Variants in C10orf67 observed in about 807,000 individuals in gnomAD.
C10orf67 encodes the protein uncharacterized protein C10orf67, mitochondrial.
A neutral mutation model predicts 35.6 loss-of-function variants in C10orf67; 60 were observed. The ratio of observed to expected loss-of-function variants is 1.68; its 90% CI spans 1.37 to 2.09. The LOEUF (loss-of-function observed/expected upper bound fraction) is 2.09, where lower values mean the gene tolerates loss of function less well. Among genes scored for constraint, C10orf67 ranks in the 30% most tolerant of loss-of-function variants. C10orf67 has a pLI of 0.00. For missense variants in C10orf67, 474 were observed against 330.2 expected (o/e 1.44, Z -3.38); for synonymous variants, 167 against 115.8 (o/e 1.44, Z -2.84).
At chr10:23,202,264 G>A (rs564872946), downstream of C10orf67, 10 of 152,272 alleles carry the variant, frequency 6.6e-5, no homozygotes, top group South Asian at 1.9e-3. Context: ...TCTTTGTTCC[G>A]CGGCAGAAAG....
intron 8 of C10orf67, among the ~76,000 whole-genome samples, chr10:23,272,951 A>G (rs370342548): frequency 4.6e-5 from 7 of 152,202 alleles, no homozygotes; most frequent in African/African-American, 1.4e-4. Context: ...GTTTGATGCT[A>G]TCATAACTGG....
At chr10:23,226,658 T>A (rs1841751210) in intron 13 of C10orf67, among the ~76,000 whole-genome samples, 1 of 151,994 alleles carries the variant, frequency 6.6e-6, no homozygotes, top group African/African-American at 2.4e-5. Flanking sequence ...GGAGGTGGTT[T>A]CCTGAAAAGA....
At chr10:23,234,620 C>T (rs1841995960) in intron 13 of C10orf67, among the ~76,000 whole-genome samples, 1 of 151,930 alleles carries the variant, frequency 6.6e-6, no homozygotes, top group Admixed American at 6.6e-5. Flanking sequence ...TACAACAAAC[C>T]CCCATGATAC....
intron 10 of C10orf67, among the ~76,000 whole-genome samples, chr10:23,251,310 T>C (rs760211521): frequency 4.6e-5 from 7 of 152,164 alleles, no homozygotes; most frequent in Admixed American, 6.5e-5. Context: ...TTGTAAATTG[T>C]AAATTGTGTT....
At chr10:23,294,973 C>A (rs1253772606) in intron 5 of C10orf67, among the ~76,000 whole-genome samples, 4 of 152,104 alleles carry the variant, frequency 2.6e-5, no homozygotes, top group African/African-American at 9.7e-5. Flanking sequence ...CTATGACCTG[C>A]CTTTGTGGCA....
intron 2 of C10orf67, among the ~76,000 whole-genome samples, chr10:23,327,154 TAAAGA>T (rs1439050574): frequency 3.3e-5 from 5 of 151,382 alleles, no homozygotes; most frequent in Non-Finnish European, 5.9e-5. Flanking sequence ...GAATAGAAAC[TAAAGA>T]AAAGTTAATA....
chr10:23,290,952 C>T (rs1843701527), intron 6 of C10orf67, among the ~76,000 whole-genome samples, 180 bp downstream of exon 6: 1 of 152,196 alleles, frequency 6.6e-6, no homozygotes, highest in African/African-American at 2.4e-5. Flanking sequence ...CAACTACAAA[C>T]ACATCCTCTG....
intron 10 of C10orf67, among the ~76,000 whole-genome samples, chr10:23,256,169 TTTTCGTA>T (rs905303917): frequency 2.0e-5 from 3 of 152,062 alleles, no homozygotes; most frequent in Non-Finnish European, 4.4e-5. Context: ...GCCTGGCTAA[TTTTCGTA>T]TTTTTTTTAG....
At chr10:23,257,117 C>T (rs1842621813) in intron 10 of C10orf67, among the ~76,000 whole-genome samples, 7 of 152,192 alleles carry the variant, frequency 4.6e-5, no homozygotes, top group Admixed American at 4.6e-4. Flanking sequence ...TGTCTTGGAC[C>T]TTCAACTCTA....
intron 1 of C10orf67, 48 bp downstream of exon 1, chr10:23,344,520 CT>C: frequency 6.5e-7 from 1 of 1,526,796 alleles, no homozygotes; most frequent in African/African-American, 1.4e-5. Context: ...CGCCGTGCCC[CT>C]GGACCCTGCT....
chr10:23,338,474 T>C (rs546103521), intron 1 of C10orf67, among the ~76,000 whole-genome samples: 20 of 152,236 alleles, frequency 1.3e-4, no homozygotes, highest in African/African-American at 4.8e-4. Context: ...GGAACACACA[T>C]TTATTTTGGA....
intron 1 of C10orf67, among the ~76,000 whole-genome samples, chr10:23,342,384 G>T (rs941874486): frequency 6.6e-6 from 1 of 151,992 alleles, no homozygotes; most frequent in Non-Finnish European, 1.5e-5. Flanking sequence ...ACTCCACAAA[G>T]GCCGGGCTTT....
At chr10:23,323,218 C>A (rs1315016052) in intron 2 of C10orf67, among the ~76,000 whole-genome samples, 1 of 152,190 alleles carries the variant, frequency 6.6e-6, no homozygotes, top group Non-Finnish European at 1.5e-5. Context: ...AGGCAAGAAT[C>A]ATCATTTGCT....
intron 4 of C10orf67, among the ~76,000 whole-genome samples, chr10:23,310,084 T>C (rs918196949): frequency 3.3e-5 from 5 of 152,210 alleles, no homozygotes; most frequent in Admixed American, 2.0e-4. Flanking sequence ...CAGAAAGCAG[T>C]GTGATTTTCC....
intron 15 of C10orf67, among the ~76,000 whole-genome samples, chr10:23,205,788 A>T (rs911139397): frequency 2.0e-5 from 3 of 152,332 alleles, no homozygotes; most frequent in Admixed American, 2.0e-4. Context: ...TTTTTAAAAA[A>T]TTTTAACACT....
chr10:23,267,327 C>T, intron 8 of C10orf67, 73 bp from the exon 9 acceptor site: 1 of 647,016 alleles, frequency 1.5e-6, no homozygotes, highest in Non-Finnish European at 2.8e-6. Context: ...TATAAAACTT[C>T]TATAAGCAAT....
rs541085989 is a variant in C10orf67, at chr10:23,298,590, C to T, written c.702+4714G>A. ...TTCGCCGTACCTGGGAATCCATATT[C>T]GGCAGTTCCTGTTATGCCAAGGAAC... On this transcript the variant is annotated intron_variant, in intron 5 of 15. Coordinates refer to ENST00000636213, the MANE Select transcript of C10orf67 (RefSeq NM_001371909.1). Among the ~76,000 whole-genome samples the T allele has an allele frequency of 2.8e-4, 42 of 152,286 alleles. No homozygotes were observed. The South Asian group carries it at 7.7e-3, about 28-fold the overall frequency.
At chr10:23,320,160 C>T (rs1352287193) in intron 4 of C10orf67, among the ~76,000 whole-genome samples, 1 of 152,106 alleles carries the variant, frequency 6.6e-6, no homozygotes, top group Admixed American at 6.6e-5. Context: ...GTGTTGAGTG[C>T]TATGATAAGA....
chr10:23,342,428 C>T (rs1845933446), intron 1 of C10orf67, among the ~76,000 whole-genome samples: 1 of 152,148 alleles, frequency 6.6e-6, no homozygotes, highest in Admixed American at 6.5e-5. Flanking sequence ...AGCACCTGAG[C>T]CTCTCTCATT....
Sources: allele counts gnomAD v4.1 joint callset (sites outside exome capture counted in the v4.1 genomes callset), GRCh38; gene constraint gnomAD v4.1.1; transcripts MANE v1.5; gene names NCBI Gene and HGNC (gene_info 2026-07-23, HGNC 2026-07-21).